The following RAP1GAP2 variants were observed in gnomAD, a reference collection of about 807,000 sequenced individuals.
RAP1GAP2 encodes the protein RAP1 GTPase activating protein 2.
Under a neutral mutation model 95.0 loss-of-function variants are expected in RAP1GAP2, and 27 were observed. That is an observed-to-expected ratio of 0.28 (90% CI 0.21 to 0.39). RAP1GAP2 has a LOEUF of 0.39. Among genes scored for constraint, RAP1GAP2 ranks in the 10% least tolerant of loss-of-function variants. The probability of loss-of-function intolerance (pLI) is 1.00; values close to 1 mark genes in which losing one functional copy is unlikely to be tolerated. For missense variants in RAP1GAP2, 771 were observed against 970.0 expected (o/e 0.79, Z 2.72); for synonymous variants, 373 against 380.9 (o/e 0.98, Z 0.24).
At chr17:2,820,687 G>C (rs62089695) in intron 2 of RAP1GAP2, among the ~76,000 whole-genome samples, 26,318 of 150,644 alleles carry the variant, frequency 0.17, 2,741 homozygotes, top group South Asian at 0.34. Context: ...CATTCCCCAC[G>C]TCCTCACTGA....
intron 10 of RAP1GAP2, among the ~76,000 whole-genome samples, chr17:2,984,116 T>C (rs2045468730): frequency 6.6e-6 from 1 of 152,164 alleles, no homozygotes; most frequent in South Asian, 2.1e-4. Flanking sequence ...TTTGGGAGGC[T>C]GAGGCAGGCG....
At chr17:2,960,512 G>C (rs1285664683) in intron 4 of RAP1GAP2, among the ~76,000 whole-genome samples, 2 of 152,236 alleles carry the variant, frequency 1.3e-5, no homozygotes, top group African/African-American at 4.8e-5. Flanking sequence ...CGCAGAGGCT[G>C]CATGTCAATC....
chr17:3,030,974 G>A lies in RAP1GAP2; in HGVS notation c.2160G>A (p.Lys720=), dbSNP rs2047271387. 6.2e-7 allele frequency: 1 copy of A among 1,609,710 alleles called. No homozygotes were observed. Among genetic ancestry groups the A allele is most frequent in the Non-Finnish European group, 8.5e-7 (1 of 1,178,126 alleles). The change falls in exon 23 of 25, where the codon AAG becomes AAA. Residue 720 remains lysine, a synonymous_variant. Transcript: ENST00000254695. ...PRSNLKFRFD[K]LSHASSGAGH ...CGAACCTGAAATTCCGCTTTGACAA[G>A]CTCAGCCATGCCAGCTCTGGTGCGG... is the stretch of plus-strand genomic sequence containing the variant.
intron 2 of RAP1GAP2, among the ~76,000 whole-genome samples, chr17:2,834,344 G>A (rs1478443171): frequency 6.6e-6 from 1 of 152,220 alleles, no homozygotes; most frequent in Non-Finnish European, 1.5e-5. Flanking sequence ...CCTTGTGCTA[G>A]TTCAGGGGTT....
chr17:2,806,262 C>T (rs1358495546), intron 2 of RAP1GAP2, among the ~76,000 whole-genome samples: 3 of 152,100 alleles, frequency 2.0e-5, no homozygotes, highest in South Asian at 2.1e-4. Context: ...AGTGTGTCTC[C>T]GGGCAGCTTT....
Position 3,005,811 on chromosome 17 carries a change from C to T in RAP1GAP2, c.1273-144C>T. ...TGGGATATTTGCAAGTGGGCTTGGC[C>T]TGGGCTAGAAATGATCCGCTGTCGG... is the stretch of plus-strand genomic sequence containing the variant. On this transcript the variant is annotated intron_variant, in intron 15 of 24. Transcript: ENST00000254695. The surrounding 1 kb of genome is among the most constrained non-coding windows in gnomAD (Gnocchi z 5.2). The T allele has an allele frequency of 1.3e-6, 1 of 787,178 alleles. No homozygotes were observed. Among genetic ancestry groups the T allele is most frequent in the Non-Finnish European group, 2.1e-6 (1 of 468,188 alleles). The allele number at this position is 787,178 out of a possible 1,614,324, so 48.8% of individuals were successfully genotyped here. A position where few individuals can be genotyped will look rare whatever the true frequency, so the allele number is the denominator to read the frequency against.
chr17:2,998,528 A>G (rs951704053), intron 14 of RAP1GAP2, among the ~76,000 whole-genome samples, 152 bp downstream of exon 14: 1 of 152,190 alleles, frequency 6.6e-6, no homozygotes, highest in African/African-American at 2.4e-5. Context: ...CTGGGTAGGG[A>G]GGACCTTCCA....
At chr17:2,944,180 A>C (rs1172832535) in intron 3 of RAP1GAP2, among the ~76,000 whole-genome samples, 3 of 151,752 alleles carry the variant, frequency 2.0e-5, no homozygotes, top group Non-Finnish European at 2.9e-5. Flanking sequence ...AAAAAAAAAA[A>C]AAACCAAACC....
chr17:3,023,331 T>A (rs973620944), intron 19 of RAP1GAP2, among the ~76,000 whole-genome samples: 3 of 152,250 alleles, frequency 2.0e-5, no homozygotes, highest in African/African-American at 7.2e-5. Context: ...GTGGCTGCCA[T>A]GTGCTGGGCA....
chr17:3,021,092 C>T (rs2046942742), intron 19 of RAP1GAP2, among the ~76,000 whole-genome samples: 1 of 152,100 alleles, frequency 6.6e-6, no homozygotes, highest in East Asian at 1.9e-4. Context: ...TTTTGGGGTA[C>T]GTGTGATATT....
intron 3 of RAP1GAP2, among the ~76,000 whole-genome samples, chr17:2,941,661 C>A (rs1212943351): frequency 2.5e-5 from 3 of 120,770 alleles, no homozygotes; most frequent in Non-Finnish European, 3.5e-5. Context: ...TCAGTGATGA[C>A]TCTTGGGTTT....
At chr17:2,805,294 C>T (rs1299664119) in intron 2 of RAP1GAP2, among the ~76,000 whole-genome samples, 1 of 152,134 alleles carries the variant, frequency 6.6e-6, no homozygotes, top group Non-Finnish European at 1.5e-5. Flanking sequence ...TCTTGTGGAG[C>T]TCCTTGAAGG....
intron 1 of RAP1GAP2, among the ~76,000 whole-genome samples, chr17:2,778,880 C>T (rs752619858): frequency 1.3e-5 from 2 of 152,172 alleles, no homozygotes; most frequent in African/African-American, 2.4e-5. Flanking sequence ...TTCTGAGGAG[C>T]CTTACAGACA....
chr17:3,008,017 A>G lies in RAP1GAP2; in HGVS notation c.1366A>G (p.Thr456Ala). 6.2e-7 allele frequency: 1 copy of G among 1,613,830 alleles called. No homozygotes were observed. Among genetic ancestry groups the G allele is most frequent in the Non-Finnish European group, 8.5e-7 (1 of 1,179,814 alleles). The stretch of plus-strand genomic sequence containing the variant: ...CCACCCTCTTCCCTTCTAGGACCGG[A>G]CCAGGGCTGCCCTCCTGGACAACCT... ...SDKFAKLEDR[T>A]RAALLDNLHD... Residue 456 changes from threonine to alanine, a missense_variant, in exon 17 of 25, where the codon ACC becomes GCC. Thr to Ala is a moderately conservative substitution (Grantham distance 58). Coordinates refer to ENST00000254695, the MANE Select transcript of RAP1GAP2 (RefSeq NM_015085.5). The surrounding 1 kb of genome is among the most constrained non-coding windows in gnomAD (Gnocchi z 4.2).
chr17:2,980,607 A>G (rs1373283664), intron 9 of RAP1GAP2, among the ~76,000 whole-genome samples: 2 of 152,142 alleles, frequency 1.3e-5, no homozygotes, highest in Admixed American at 6.6e-5. Context: ...AGTATCCTCC[A>G]TGGTCTCTAC....
At chr17:2,845,831 A>G (rs1041514690) in intron 2 of RAP1GAP2, among the ~76,000 whole-genome samples, 10 of 151,312 alleles carry the variant, frequency 6.6e-5, no homozygotes, top group African/African-American at 2.4e-4. Flanking sequence ...ACTACACTCT[A>G]ACCTGGGTGA....
At chr17:2,964,096 G>A (rs1418899880) in intron 7 of RAP1GAP2, 28 bp downstream of exon 7, 2 of 1,585,190 alleles carry the variant, frequency 1.3e-6, no homozygotes, top group Non-Finnish European at 1.7e-6. Context: ...GAGCTGCTGG[G>A]GGTTGGGGGC....
intron 8 of RAP1GAP2, among the ~76,000 whole-genome samples, chr17:2,967,201 T>C (rs928771456): frequency 2.0e-5 from 3 of 151,992 alleles, no homozygotes; most frequent in Non-Finnish European, 2.9e-5. Context: ...ACCCCGTCTC[T>C]ACTAAAAATA....
chr17:2,891,679 A>T (rs1156777767), intron 2 of RAP1GAP2, among the ~76,000 whole-genome samples: 1 of 150,980 alleles, frequency 6.6e-6, no homozygotes, highest in Non-Finnish European at 1.5e-5. Flanking sequence ...TTATTGGTTG[A>T]TAGTTTGCCT....
Sources: gnomAD v4.1 joint callset for allele counts (sites outside exome capture counted in the v4.1 genomes callset) on GRCh38, gnomAD v4.1.1 for gene constraint, Gnocchi (gnomAD v3.1) non-coding constraint, MANE v1.5 for transcripts, NCBI Gene and HGNC (gene_info 2026-07-23, HGNC 2026-07-21) for gene names.